Variants in EXOC2 observed in about 807,000 individuals in gnomAD.
EXOC2 encodes the protein SEC5-like 1.
A neutral mutation model predicts 131.8 loss-of-function variants in EXOC2; 70 were observed. That is an observed-to-expected ratio of 0.53 (90% CI 0.44 to 0.65). The LOEUF (loss-of-function observed/expected upper bound fraction) is 0.65, where lower values mean the gene tolerates loss of function less well. EXOC2 is among the 30% of genes least tolerant of loss of function. The probability of loss-of-function intolerance (pLI) is 0.00; values close to 1 mark genes in which losing one functional copy is unlikely to be tolerated. For synonymous variants in EXOC2, 411 were observed against 398.4 expected, an observed-to-expected ratio of 1.03 and a Z score of -0.38; for missense variants, 923 against 1,108.6, an observed-to-expected ratio of 0.83 and a Z score of 2.38.
chr6:529,955 G>GT (rs1231934922), intron 23 of EXOC2, among the ~76,000 whole-genome samples: 1 of 152,216 alleles, frequency 6.6e-6, no homozygotes, highest in Non-Finnish European at 1.5e-5. Context: ...ACATTGTTCG[G>GT]TAAGAGTTTA....
chr6:606,679 A>G (rs1278619203), intron 7 of EXOC2, among the ~76,000 whole-genome samples: 3 of 152,184 alleles, frequency 2.0e-5, no homozygotes, highest in Non-Finnish European at 4.4e-5. Flanking sequence ...AGGTTCTCTG[A>G]GCATTGCTTC....
chr6:606,138 A>G (rs970941785), intron 7 of EXOC2, among the ~76,000 whole-genome samples: 7 of 152,290 alleles, frequency 4.6e-5, no homozygotes, highest in African/African-American at 1.7e-4. Flanking sequence ...GAAGCTGGAA[A>G]CCATCATTCT....
Position 617,792 on chromosome 6 carries a change from C to T in EXOC2, c.580G>A (p.Ala194Thr), listed in dbSNP as rs1480236460. 1.2e-6 allele frequency: 2 copies of T among 1,613,546 alleles called. No homozygotes were observed. Among genetic ancestry groups the T allele is most frequent in the Admixed American group, 1.7e-5 (1 of 59,934 alleles). ...KMAVTNLKRQ[A>T]NKKSEGSLAY... ...AGGCTGCCCTCACTCTTCTTGTTAG[C>T]CTGTCTCTTTAGGTTGGTGACTGCC... The change falls in exon 6 of 28, where the codon GCT becomes ACT. Residue 194 changes from alanine (A) to threonine (T), a missense_variant. By Grantham distance (58) the Ala-to-Thr change is moderately conservative (BLOSUM62 0). Coordinates refer to ENST00000230449, the MANE Select transcript of EXOC2 (RefSeq NM_018303.6).
intron 26 of EXOC2, among the ~76,000 whole-genome samples, chr6:490,913 A>G (rs150647744): frequency 3.3e-5 from 5 of 152,226 alleles, no homozygotes; most frequent in Non-Finnish European, 7.3e-5. Flanking sequence ...CTGCTGTATT[A>G]TAAGACTAAG....
chr6:561,571 T>C (rs1315961255), intron 17 of EXOC2, among the ~76,000 whole-genome samples: 1 of 152,146 alleles, frequency 6.6e-6, no homozygotes, highest in Non-Finnish European at 1.5e-5. Flanking sequence ...AAACTGCTAG[T>C]TGCCTCCTAG....
intron 1 of EXOC2, among the ~76,000 whole-genome samples, chr6:659,569 C>G (rs979364199): frequency 6.6e-6 from 1 of 152,198 alleles, no homozygotes; most frequent in African/African-American, 2.4e-5. Flanking sequence ...GAAAAGGAGC[C>G]CTTCCTCTCC....
intron 1 of EXOC2, among the ~76,000 whole-genome samples, chr6:674,631 C>T (rs943770958): frequency 1.3e-5 from 2 of 152,020 alleles, no homozygotes; most frequent in Admixed American, 6.6e-5. Flanking sequence ...CAATAAGAAA[C>T]ACTACTGTAC....
intron 4 of EXOC2, among the ~76,000 whole-genome samples, chr6:621,641 C>T (rs893627289): frequency 6.7e-6 from 1 of 150,358 alleles, no homozygotes; most frequent in Non-Finnish European, 1.5e-5. Flanking sequence ...GAGGTGGCAC[C>T]ACTTCCACCG....
At chr6:583,192 C>T (rs1393530918) in intron 11 of EXOC2, among the ~76,000 whole-genome samples, 4 of 152,108 alleles carry the variant, frequency 2.6e-5, no homozygotes, top group African/African-American at 9.7e-5. Context: ...GAATACAGAA[C>T]AAAAGTACTT....
At chr6:515,484 G>A (rs961263374) in intron 23 of EXOC2, among the ~76,000 whole-genome samples, 1 of 152,234 alleles carries the variant, frequency 6.6e-6, no homozygotes, top group African/African-American at 2.4e-5. Context: ...CCCAGGGACT[G>A]ATACCCTGAC....
chr6:604,999 C>G (rs1200055620), intron 7 of EXOC2, among the ~76,000 whole-genome samples: 2 of 152,080 alleles, frequency 1.3e-5, no homozygotes, highest in Non-Finnish European at 2.9e-5. Context: ...ATCATTTGAT[C>G]ACCTGAATAT....
chr6:591,033 T>C (rs1397219597), intron 11 of EXOC2, among the ~76,000 whole-genome samples: 1 of 152,208 alleles, frequency 6.6e-6, no homozygotes, highest in Non-Finnish European at 1.5e-5. Context: ...TGGAAATCAC[T>C]GCTCATCCCT....
intron 17 of EXOC2, among the ~76,000 whole-genome samples, chr6:560,543 T>C (rs1401692561): frequency 6.6e-6 from 1 of 152,214 alleles, no homozygotes; most frequent in East Asian, 1.9e-4. Context: ...TCCCAGGTAG[T>C]GCATGTAAAA....
At chr6:662,976 G>A (rs1253602127) in intron 1 of EXOC2, among the ~76,000 whole-genome samples, 2 of 151,822 alleles carry the variant, frequency 1.3e-5, no homozygotes, top group Non-Finnish European at 2.9e-5. Context: ...GGGTGGCAGA[G>A]CAAGACTTTG....
intron 4 of EXOC2, among the ~76,000 whole-genome samples, chr6:620,947 T>C (rs1761259308): frequency 6.6e-6 from 1 of 152,100 alleles, no homozygotes; most frequent in African/African-American, 2.4e-5. Context: ...CTTGGGGGCA[T>C]TTTCACGGGT....
intron 22 of EXOC2, among the ~76,000 whole-genome samples, chr6:540,079 C>T (rs897684037): frequency 3.9e-5 from 6 of 152,308 alleles, no homozygotes; most frequent in African/African-American, 7.2e-5. Context: ...GACTTGTTAG[C>T]GAGGGCTTCC....
intron 1 of EXOC2, among the ~76,000 whole-genome samples, chr6:654,619 G>A (rs1261954837): frequency 6.6e-6 from 1 of 151,342 alleles, no homozygotes. Flanking sequence ...GGTCAACATA[G>A]TGAGACTCCC....
chr6:575,027 G>A (rs912357756), intron 12 of EXOC2, among the ~76,000 whole-genome samples: 4 of 152,246 alleles, frequency 2.6e-5, no homozygotes, highest in African/African-American at 7.2e-5. Flanking sequence ...GCCTTTGATC[G>A]ATTTGGATGT....
At chr6:662,764 ACCAAAC>A (rs1170598505) in intron 1 of EXOC2, among the ~76,000 whole-genome samples, 2 of 152,144 alleles carry the variant, frequency 1.3e-5, no homozygotes, top group East Asian at 3.9e-4. Flanking sequence ...ACAAGAACAA[ACCAAAC>A]CCAAACCCAA....
Sources: allele counts gnomAD v4.1 joint callset (sites outside exome capture counted in the v4.1 genomes callset), GRCh38; gene constraint gnomAD v4.1.1; transcripts MANE v1.5; gene names NCBI Gene and HGNC (gene_info 2026-07-23, HGNC 2026-07-21).